DCC: variants seen among roughly 807,000 people sequenced by gnomAD.
DCC encodes the protein DCC netrin 1 receptor, also known as netrin receptor DCC.
In DCC, 58 loss-of-function variants were observed where a neutral mutation model predicts 172.5. That is an observed-to-expected ratio of 0.34 (90% CI 0.27 to 0.42). DCC has a LOEUF of 0.42. Among genes scored for constraint, DCC ranks in the 10% least tolerant of loss-of-function variants. The pLI is 1.00. For synonymous variants in DCC, 709 were observed against 644.5 expected (o/e 1.10, Z -1.52); for missense variants, 1,740 against 1,791.0 (o/e 0.97, Z 0.51).
At chr18:53,329,811 C>A (rs1424364823) in intron 14 of DCC, among the ~76,000 whole-genome samples, 1 of 151,962 alleles carries the variant, frequency 6.6e-6, no homozygotes, top group Non-Finnish European at 1.5e-5. Flanking sequence ...ATAATAAAAA[C>A]GTTTACTATA....
intron 5 of DCC, among the ~76,000 whole-genome samples, chr18:52,961,596 A>G (rs1420069194): frequency 6.6e-6 from 1 of 152,176 alleles, no homozygotes; most frequent in Non-Finnish European, 1.5e-5. Flanking sequence ...CAAACACCAC[A>G]AAGTTGGCTA....
intron 7 of DCC, among the ~76,000 whole-genome samples, chr18:53,149,978 C>G (rs12967822): frequency 0.31 from 47,547 of 152,036 alleles, 9,214 homozygotes; most frequent in East Asian, 0.59. Flanking sequence ...TTTCGAGCTT[C>G]CTTTTTGCTT....
chr18:53,497,436 A>G (rs764880130), intron 26 of DCC, among the ~76,000 whole-genome samples: 18 of 152,214 alleles, frequency 1.2e-4, no homozygotes, highest in Non-Finnish European at 2.5e-4. Flanking sequence ...ACATTAAGGT[A>G]AACTTTCTTA....
intron 1 of DCC, among the ~76,000 whole-genome samples, chr18:52,667,334 T>A (rs1053134597): frequency 1.3e-5 from 2 of 152,212 alleles, no homozygotes; most frequent in African/African-American, 4.8e-5. Context: ...CTGCAGGTGA[T>A]TCATGAAACA....
At chr18:52,848,864 T>C (rs187090960) in intron 2 of DCC, among the ~76,000 whole-genome samples, 3 of 152,334 alleles carry the variant, frequency 2.0e-5, no homozygotes, top group African/African-American at 7.2e-5. Flanking sequence ...GTTTGGCAAC[T>C]TAGTGTAATC....
At chr18:52,777,890 A>G (rs1474800311) in intron 2 of DCC, among the ~76,000 whole-genome samples, 1 of 152,162 alleles carries the variant, frequency 6.6e-6, no homozygotes, top group Non-Finnish European at 1.5e-5. Context: ...TAGATGGAAA[A>G]ATGGAAAGGA....
chr18:52,532,746 T>C (rs965302587), intron 1 of DCC, among the ~76,000 whole-genome samples: 2 of 152,080 alleles, frequency 1.3e-5, no homozygotes, highest in African/African-American at 4.8e-5. Context: ...GCTTTTTTTC[T>C]GAGGGCCACC....
chr18:53,069,201 C>T (rs146027380), intron 7 of DCC, among the ~76,000 whole-genome samples: 1 of 152,102 alleles, frequency 6.6e-6, no homozygotes, highest in Admixed American at 6.5e-5. Context: ...ATCTTAGAGG[C>T]CTTCCCAGAA....
At chr18:52,867,303 A>G (rs1231165334) in intron 2 of DCC, among the ~76,000 whole-genome samples, 1 of 152,094 alleles carries the variant, frequency 6.6e-6, no homozygotes, top group African/African-American at 2.4e-5. Flanking sequence ...GAGGATTTTC[A>G]TACCGATGTT....
chr18:53,256,656 G>A (rs1297271467), intron 12 of DCC, among the ~76,000 whole-genome samples: 1 of 152,114 alleles, frequency 6.6e-6, no homozygotes, highest in Non-Finnish European at 1.5e-5. Flanking sequence ...GATGCCTCCA[G>A]CTTTGTTCTT....
At chr18:53,085,800 T>A (rs989922665) in intron 7 of DCC, among the ~76,000 whole-genome samples, 1 of 151,776 alleles carries the variant, frequency 6.6e-6, no homozygotes, top group Non-Finnish European at 1.5e-5. Context: ...CATTTTCAGA[T>A]GTTTGTCAAA....
intron 12 of DCC, among the ~76,000 whole-genome samples, chr18:53,289,923 G>T (rs2056981877): frequency 6.6e-6 from 1 of 152,122 alleles, no homozygotes; most frequent in African/African-American, 2.4e-5. Flanking sequence ...AAATGGGAAT[G>T]GATTTTAGAT....
chr18:53,461,440 C>T (rs145016059), intron 24 of DCC, among the ~76,000 whole-genome samples: 4,568 of 151,566 alleles, frequency 0.03, 246 homozygotes, highest in African/African-American at 0.11. Flanking sequence ...CCTTAATCCA[C>T]CTTGAATTGA....
chr18:52,584,765 C>T, intron 1 of DCC, among the ~76,000 whole-genome samples: 1 of 151,294 alleles, frequency 6.6e-6, no homozygotes, highest in South Asian at 2.1e-4. Flanking sequence ...GTCTCGAGCT[C>T]CTGGCTTCAA....
intron 1 of DCC, among the ~76,000 whole-genome samples, chr18:52,665,645 T>C (rs189430531): frequency 2.1e-4 from 32 of 152,302 alleles, no homozygotes; most frequent in Admixed American, 8.5e-4. Flanking sequence ...TTATTGAGTA[T>C]AGGGAGGAAG....
intron 2 of DCC, among the ~76,000 whole-genome samples, chr18:52,789,104 T>C (rs2037713359): frequency 6.6e-6 from 1 of 152,144 alleles, no homozygotes; most frequent in Admixed American, 6.6e-5. Context: ...TCTCTCTAGT[T>C]ATTCCCCACA....
chr18:52,942,369 C>A (rs1307365171), intron 5 of DCC, among the ~76,000 whole-genome samples: 1 of 152,100 alleles, frequency 6.6e-6, no homozygotes, highest in Admixed American at 6.5e-5. Context: ...ATTTCCAATG[C>A]CTTTTGTTTT....
intron 2 of DCC, among the ~76,000 whole-genome samples, chr18:52,819,074 G>T (rs2038356559): frequency 6.6e-6 from 1 of 152,170 alleles, no homozygotes; most frequent in Admixed American, 6.5e-5. Flanking sequence ...TCTAAACTTA[G>T]AGAAGTTTAC....
chr18:53,210,301 T>G (rs1194113442), intron 11 of DCC, among the ~76,000 whole-genome samples: 2 of 152,228 alleles, frequency 1.3e-5, no homozygotes, highest in Admixed American at 6.5e-5. Context: ...TTCCCAGTCT[T>G]CAGTCATGGA....
Sources: allele counts gnomAD v4.1 joint callset (sites outside exome capture counted in the v4.1 genomes callset), GRCh38; gene constraint gnomAD v4.1.1; transcripts MANE v1.5; gene names NCBI Gene and HGNC (gene_info 2026-07-23, HGNC 2026-07-21).